Variants in MSI2 observed in about 807,000 individuals in gnomAD.
The protein encoded by MSI2 is RNA-binding protein Musashi homolog 2.
MSI2 carries 17 observed loss-of-function variants against 45.6 expected under a neutral mutation model. That is an observed-to-expected ratio of 0.37 (90% CI 0.26 to 0.56). MSI2 has a LOEUF of 0.56. Ranked by LOEUF, MSI2 falls within the 20% of genes least tolerant of loss-of-function variation. The pLI is 0.77. For missense variants in MSI2, 293 were observed against 444.2 expected, an observed-to-expected ratio of 0.66 and a Z score of 3.06; for synonymous variants, 156 against 158.2, an observed-to-expected ratio of 0.99 and a Z score of 0.11.
the MSI2 span, among the ~76,000 whole-genome samples, chr17:57,698,358 G>A: frequency 1.3e-5 from 2 of 152,170 alleles, no homozygotes; most frequent in African/African-American, 4.8e-5. Flanking sequence ...CACGCTGTGG[G>A]GCACCAGAGT....
chr17:57,700,627 GC>G, the MSI2 span, among the ~76,000 whole-genome samples: 1 of 152,298 alleles, frequency 6.6e-6, no homozygotes, highest in Admixed American at 6.5e-5. Flanking sequence ...CCTGGGCCGG[GC>G]GCGGTTGCTC....
At chr17:57,580,795 G>A (rs1042647219) in intron 7 of MSI2, among the ~76,000 whole-genome samples, 2 of 152,044 alleles carry the variant, frequency 1.3e-5, no homozygotes, top group Non-Finnish European at 2.9e-5. Context: ...CTCAGCTTTG[G>A]TACCTCAGAG....
intron 6 of MSI2, among the ~76,000 whole-genome samples, chr17:57,485,726 G>A (rs1264661029): frequency 6.6e-6 from 1 of 152,184 alleles, no homozygotes; most frequent in Non-Finnish European, 1.5e-5. Context: ...TGGTTCCATG[G>A]AACTAGTATT....
intron 6 of MSI2, among the ~76,000 whole-genome samples, chr17:57,473,685 G>A (rs531970788): frequency 6.6e-6 from 1 of 152,320 alleles, no homozygotes; most frequent in African/African-American, 2.4e-5. Flanking sequence ...AGTGCAGGAG[G>A]ATGGGGCTCT....
chr17:57,341,413 A>G (rs1010639650), intron 5 of MSI2, among the ~76,000 whole-genome samples: 8 of 152,222 alleles, frequency 5.3e-5, no homozygotes, highest in African/African-American at 1.9e-4. Flanking sequence ...AAAACCAAAC[A>G]GTGCCTGAGT....
chr17:57,549,034 A>G (rs2087241396), intron 7 of MSI2, among the ~76,000 whole-genome samples: 1 of 152,004 alleles, frequency 6.6e-6, no homozygotes, highest in Non-Finnish European at 1.5e-5. Flanking sequence ...CAAAGACAGA[A>G]TTATTTTATT....
chr17:57,486,173 A>G (rs2085751158), intron 6 of MSI2, among the ~76,000 whole-genome samples: 1 of 152,242 alleles, frequency 6.6e-6, no homozygotes, highest in Non-Finnish European at 1.5e-5. Context: ...TGGTTGGTGG[A>G]GGAGGAACAT....
At chr17:57,368,429 G>A (rs552807817) in intron 5 of MSI2, among the ~76,000 whole-genome samples, 68 of 152,112 alleles carry the variant, frequency 4.5e-4, no homozygotes, top group Non-Finnish European at 8.7e-4. Context: ...GGTGGTGGGC[G>A]CCTGTAATCC....
chr17:57,300,536 T>C (rs1181568881), intron 5 of MSI2, among the ~76,000 whole-genome samples: 2 of 152,214 alleles, frequency 1.3e-5, no homozygotes, highest in Admixed American at 6.5e-5. Context: ...TTTTGTACTT[T>C]CCACTGGGAA....
chr17:57,402,595 C>CT (rs1264246463), intron 6 of MSI2, among the ~76,000 whole-genome samples: 2 of 152,226 alleles, frequency 1.3e-5, no homozygotes, highest in Non-Finnish European at 2.9e-5. Context: ...TGATAGGCAG[C>CT]TATGACCCTG....
intron 9 of MSI2, 197 bp downstream of exon 9, chr17:57,616,281 A>C: frequency 2.1e-6 from 1 of 479,730 alleles, no homozygotes; most frequent in Non-Finnish European, 3.7e-6. Flanking sequence ...GTGTGCATGC[A>C]TGTGTGTGTG....
At chr17:57,400,262 T>A (rs536332153) in intron 5 of MSI2, among the ~76,000 whole-genome samples, 1 of 151,390 alleles carries the variant, frequency 6.6e-6, no homozygotes, top group East Asian at 1.9e-4. Flanking sequence ...TTTTTTTTAT[T>A]GTGACAGTAA....
At chr17:57,440,413 CGTGTGTGTGTGTGTGTGTGTGTGTGTGT>C (rs71139995) in intron 6 of MSI2, among the ~76,000 whole-genome samples, 1 of 104,530 alleles carries the variant, frequency 9.6e-6, no homozygotes, top group Non-Finnish European at 1.9e-5. Flanking sequence ...GTTTGTTATC[CGTGTGTGTGTGTGTGTGTGTGTGTGTGT>C]GTGTGTGTGT....
At position 57,427,116 on chromosome 17, in the gene MSI2, G is replaced by A. The variant is rs538952220; in HGVS notation, c.405+25645G>A. Among the ~76,000 whole-genome samples, 105 of 152,322 alleles carry A rather than the reference G, an allele frequency of 6.9e-4. 1 individual carries two copies. Among genetic ancestry groups the A allele is most frequent in the Non-Finnish European group, 1.3e-3 (86 of 68,022 alleles). On this transcript the variant is annotated intron_variant, in intron 6 of 13. Transcript: ENST00000284073. ...GGGACTGGCATGAATAAAAGCAGAG[G>A]CCAGGCGTGGTGGCTCACATCTGTA...
At chr17:57,564,714 C>G (rs949202698) in intron 7 of MSI2, among the ~76,000 whole-genome samples, 2 of 152,188 alleles carry the variant, frequency 1.3e-5, no homozygotes, top group African/African-American at 4.8e-5. Flanking sequence ...TTGGGAGTCT[C>G]ATCAAGTATG....
At chr17:57,674,273 AGGGGC>A (rs1330900077) in intron 11 of MSI2, among the ~76,000 whole-genome samples, 18 of 2,838 alleles carry the variant, frequency 6.3e-3, no homozygotes, top group African/African-American at 0.035. Flanking sequence ...GCCAGTGGGG[AGGGGC>A]GGGTGGTGGG....
At chr17:57,646,216 T>C (rs953780238) in intron 10 of MSI2, among the ~76,000 whole-genome samples, 1 of 152,200 alleles carries the variant, frequency 6.6e-6, no homozygotes, top group Non-Finnish European at 1.5e-5. Flanking sequence ...AAATAAGATA[T>C]GCACACAAAA....
chr17:57,642,218 A>C (rs956740384), intron 10 of MSI2, among the ~76,000 whole-genome samples: 1 of 152,180 alleles, frequency 6.6e-6, no homozygotes, highest in African/African-American at 2.4e-5. Flanking sequence ...GTTTTTTTTA[A>C]CTGAATTGAA....
At chr17:57,694,511 G>A in the MSI2 span, among the ~76,000 whole-genome samples, 2 of 152,152 alleles carry the variant, frequency 1.3e-5, no homozygotes, top group African/African-American at 4.8e-5. Flanking sequence ...TTTGTTACAT[G>A]GAGGACAAAA....
Sources: gnomAD v4.1 joint callset for allele counts (sites outside exome capture counted in the v4.1 genomes callset) on GRCh38, gnomAD v4.1.1 for gene constraint, MANE v1.5 for transcripts, NCBI Gene and HGNC (gene_info 2026-07-23, HGNC 2026-07-21) for gene names.